The following PDILT variants were observed in gnomAD, a reference collection of about 807,000 sequenced individuals.
PDILT encodes protein disulfide isomerase like, testis expressed.
In PDILT, 43 loss-of-function variants were observed where a neutral mutation model predicts 53.7. The observed-to-expected ratio is 0.80, with a 90% CI of 0.63 to 1.03. The LOEUF (loss-of-function observed/expected upper bound fraction) is 1.03, where lower values mean the gene tolerates loss of function less well. PDILT is among the 50% of genes least tolerant of loss of function. The pLI is 0.00. For missense variants in PDILT, 727 were observed against 712.3 expected, an observed-to-expected ratio of 1.02 and a Z score of -0.24; for synonymous variants, 282 against 274.2, an observed-to-expected ratio of 1.03 and a Z score of -0.28.
chr16:20,403,232 T>G (rs1412488040), intron 1 of PDILT, among the ~76,000 whole-genome samples: 1 of 152,192 alleles, frequency 6.6e-6, no homozygotes, highest in Non-Finnish European at 1.5e-5. Context: ...CCTCTGCTTC[T>G]ACTCTTTGTG....
In PDILT at chr16:20,361,743, C is replaced by T. The variant is rs112291202; in HGVS notation, c.1416+661G>A. On this transcript the variant is annotated intron_variant, in intron 10 of 11. Coordinates refer to ENST00000302451, the MANE Select transcript of PDILT (RefSeq NM_174924.2). ...TCCTACCTGTAGTACACAGTCCCTCCTCTAACCTGATTTAAGTCCCCACCA... is the reference window on the plus strand; with the variant it reads ...TCCTACCTGTAGTACACAGTCCCTCTTCTAACCTGATTTAAGTCCCCACCA... Among the ~76,000 whole-genome samples, 1,134 of 152,298 alleles carry T rather than the reference C, an allele frequency of 7.4e-3. 23 individuals carry two copies. The highest frequency in any genetic ancestry group is 0.026 in the African/African-American group (1,098 of 41,552).
chr16:20,375,983 CG>C (rs1403472924), intron 4 of PDILT, 84 bp downstream of exon 4: 75 of 1,525,872 alleles, frequency 4.9e-5, no homozygotes, highest in Admixed American at 3.4e-4. Flanking sequence ...GCAATCAAAA[CG>C]GAAGAGTCTC....
intron 2 of PDILT, among the ~76,000 whole-genome samples, chr16:20,397,132 T>C (rs1966671789): frequency 1.3e-5 from 2 of 151,918 alleles, no homozygotes; most frequent in African/African-American, 4.8e-5. Flanking sequence ...TGTATGTACA[T>C]ATTTATTTAT....
rs1046401188 is a variant in PDILT at position 20,404,650 on chromosome 16, C to T, written c.-162G>A. The T allele has an allele frequency of 1.3e-5, 2 of 152,254 alleles. No homozygotes were observed. Among genetic ancestry groups the T allele is most frequent in the African/African-American group, 4.8e-5 (2 of 41,434 alleles). The allele number at this position is 152,254 out of a possible 1,614,324, so 9.4% of individuals were successfully genotyped here. On this transcript the variant is annotated 5_prime_UTR_variant, in exon 1 of 12. Coordinates refer to ENST00000302451, the MANE Select transcript of PDILT (RefSeq NM_174924.2). ...TTGTGATCAGGGCAGGACCCGCAGA[C>T]GACTGGGCATTCTAAAGAATCCACA... is the stretch of plus-strand genomic sequence containing the variant.
chr16:20,384,926 C>T (rs1033979692), intron 2 of PDILT, 75 bp from the exon 3 acceptor site: 15 of 1,425,802 alleles, frequency 1.1e-5, no homozygotes, highest in African/African-American at 8.5e-5. Flanking sequence ...ATTTGTTGGG[C>T]CTGCTTAGCT....
intron 2 of PDILT, among the ~76,000 whole-genome samples, chr16:20,398,676 G>T (rs996575327): frequency 5.9e-5 from 9 of 152,102 alleles, no homozygotes; most frequent in Non-Finnish European, 1.0e-4. Flanking sequence ...TCCAGAGCTT[G>T]CCCCAGGCTG....
intron 1 of PDILT, among the ~76,000 whole-genome samples, chr16:20,403,021 G>T (rs931839713): frequency 6.6e-5 from 10 of 152,336 alleles, no homozygotes; most frequent in African/African-American, 1.4e-4. Context: ...GAGGAGAGTG[G>T]CTGTCATGGG....
Position 20,359,565 on chromosome 16 carries a change from C to T in PDILT, c.1509G>A (p.Leu503=). 1.9e-6 allele frequency: 3 copies of T among 1,613,352 alleles called. No individual in the cohort carries two copies. Among genetic ancestry groups the T allele is most frequent in the Non-Finnish European group, 2.5e-6 (3 of 1,179,554 alleles). ...TCACTTCATTTTGCTCAACAGACAA[C>T]AGCTATGAAAGCAAAGGTGGAAGGA... is the stretch of plus-strand genomic sequence containing the variant. ...IKTKIEDEDE[L]LSVEQNEVIE... Residue 503 remains leucine, a splice_region_variant and synonymous_variant, in exon 12 of 12, where the codon CTG becomes CTA. Transcript: ENST00000302451.
chr16:20,375,545 A>G (rs1208110954), intron 4 of PDILT, among the ~76,000 whole-genome samples: 1 of 152,210 alleles, frequency 6.6e-6, no homozygotes, highest in Admixed American at 6.5e-5. Context: ...GTTATTTATA[A>G]ACATTAAAAA....
chr16:20,386,810 G>C (rs1966545642), intron 2 of PDILT, among the ~76,000 whole-genome samples: 1 of 152,262 alleles, frequency 6.6e-6, no homozygotes, highest in Non-Finnish European at 1.5e-5. Flanking sequence ...ATGTGGCCAT[G>C]CTGGGCTCAG....
At chr16:20,375,963 A>C in intron 4 of PDILT, 105 bp downstream of exon 4, 1 of 1,411,188 alleles carries the variant, frequency 7.1e-7, no homozygotes, top group Non-Finnish European at 9.6e-7. Context: ...CATTGGATGG[A>C]GAAAATTGGG....
chr16:20,399,188 T>C lies in PDILT; in HGVS notation c.113A>G (p.His38Arg). ...TAGGAGACTGCGTTCCTCCAGGATG[T>C]GCACAGGCTTGGTTATGTGGATGCT... ...VSSIHITKPV[H>R]ILEERSLLVL... The change falls in exon 2 of 12, where the codon CAC becomes CGC. Residue 38 changes from histidine (H) to arginine (R), a missense_variant. Transcript: ENST00000302451. The C allele has an allele frequency of 1.9e-6, 3 of 1,614,176 alleles. No homozygotes were observed. The highest frequency in any genetic ancestry group is 2.5e-6 in the Non-Finnish European group (3 of 1,180,028).
At chr16:20,369,383 C>T in intron 8 of PDILT, 109 bp downstream of exon 8, 1 of 1,267,192 alleles carries the variant, frequency 7.9e-7, no homozygotes, top group Non-Finnish European at 1.1e-6. Flanking sequence ...CAAAGTTGAT[C>T]TTTATTCTGC....
At chr16:20,387,858 T>C (rs1279635271) in intron 2 of PDILT, among the ~76,000 whole-genome samples, 1 of 152,032 alleles carries the variant, frequency 6.6e-6, no homozygotes, top group Admixed American at 6.6e-5. Flanking sequence ...TGTCCTTAGG[T>C]GGTGATCTGA....
At chr16:20,393,307 G>A (rs1966627579) in intron 2 of PDILT, among the ~76,000 whole-genome samples, 1 of 152,176 alleles carries the variant, frequency 6.6e-6, no homozygotes, top group Non-Finnish European at 1.5e-5. Context: ...AAATGGCCTA[G>A]GCTGGATTTC....
At chr16:20,364,112 G>T (rs1033493416) in intron 9 of PDILT, among the ~76,000 whole-genome samples, 1 of 152,208 alleles carries the variant, frequency 6.6e-6, no homozygotes. Context: ...AACAGGAGGG[G>T]GCATAATGGC....
chr16:20,381,065 C>A (rs1444221549), intron 3 of PDILT, among the ~76,000 whole-genome samples: 1 of 152,228 alleles, frequency 6.6e-6, no homozygotes, highest in African/African-American at 2.4e-5. Context: ...TATTTCCAGG[C>A]ACAGACTGTG....
intron 8 of PDILT, among the ~76,000 whole-genome samples, chr16:20,368,181 G>A (rs79505469): frequency 0.016 from 2,400 of 152,242 alleles, 60 homozygotes; most frequent in African/African-American, 0.054. Flanking sequence ...GCATGGACAC[G>A]TCAGCTATTG....
chr16:20,403,951 C>T (rs1173611342), intron 1 of PDILT, among the ~76,000 whole-genome samples: 5 of 152,078 alleles, frequency 3.3e-5, no homozygotes, highest in Non-Finnish European at 4.4e-5. Flanking sequence ...AGGGTCTTCC[C>T]GGGCCACTCT....
Sources: gnomAD v4.1 joint callset for allele counts (sites outside exome capture counted in the v4.1 genomes callset) on GRCh38, gnomAD v4.1.1 for gene constraint, MANE v1.5 for transcripts, NCBI Gene and HGNC (gene_info 2026-07-23, HGNC 2026-07-21) for gene names.